CHD7: variants seen among roughly 807,000 people sequenced by gnomAD.
CHD7 encodes ATP-dependent chromatin remodeler CHD7.
Under a neutral mutation model 307.3 loss-of-function variants are expected in CHD7, and 24 were observed. That is an observed-to-expected ratio of 0.08 (90% CI 0.06 to 0.11). CHD7 has a LOEUF of 0.11. Ranked by LOEUF, CHD7 falls within the 10% of genes least tolerant of loss-of-function variation. The pLI is 1.00. For missense variants in CHD7, 3,106 were observed against 3,727.1 expected (o/e 0.83, Z 4.34); for synonymous variants, 1,363 against 1,349.9 (o/e 1.01, Z -0.21).
chr8:60,739,959 A>G (rs1332447061), intron 1 of CHD7, among the ~76,000 whole-genome samples: 1 of 152,236 alleles, frequency 6.6e-6, no homozygotes, highest in Non-Finnish European at 1.5e-5. Flanking sequence ...CTTATAAAAG[A>G]GAAAAAAATG....
chr8:60,686,251 A>T (rs1003838088), intron 1 of CHD7, among the ~76,000 whole-genome samples: 1 of 152,186 alleles, frequency 6.6e-6, no homozygotes, highest in Non-Finnish European at 1.5e-5. Flanking sequence ...AATGGCAGGA[A>T]AACTTGGTGC....
chr8:60,857,084 G>A (rs1805752290), intron 34 of CHD7, among the ~76,000 whole-genome samples, 196 bp downstream of exon 34: 1 of 152,232 alleles, frequency 6.6e-6, no homozygotes, highest in South Asian at 2.1e-4. Flanking sequence ...ACGAAGTGTA[G>A]CTTGAGGATG....
At chr8:60,761,795 AGATT>A (rs1362470234) in intron 2 of CHD7, among the ~76,000 whole-genome samples, 1 of 152,130 alleles carries the variant, frequency 6.6e-6, no homozygotes, top group Non-Finnish European at 1.5e-5. Context: ...GTTAATAAAT[AGATT>A]AATTAATTAA....
chr8:60,865,823 C>G lies in CHD7; in HGVS notation c.8884C>G (p.Leu2962Val). 1.2e-6 allele frequency: 2 copies of G among 1,613,882 alleles called. No individual in the cohort carries two copies. Among genetic ancestry groups the G allele is most frequent in the Non-Finnish European group, 1.7e-6 (2 of 1,179,834 alleles). The change falls in exon 38 of 38, where the codon CTG becomes GTG. Residue 2962 changes from leucine to valine, a missense_variant. By Grantham distance (32) the Leu-to-Val change is conservative. Around this residue, in one of 10 missense-constraint regions of CHD7, gnomAD observed 351 missense variants for 366.2 expected, o/e 0.96. Transcript: ENST00000423902. This position sits in a 1 kb window ranked among gnomAD's most constrained non-coding sequence, Gnocchi z 4.3. ...TGAAGGCAGCGATGCCGAGGAGAGC[C>G]TGGATAAGACTGCAGAGTCCTCCCT... ...TLEGSDAEESLDKTAESSLLE... is the reference protein window; with the variant it reads ...TLEGSDAEESVDKTAESSLLE...
At chr8:60,782,378 C>T (rs1040178771) in intron 3 of CHD7, among the ~76,000 whole-genome samples, 1 of 152,288 alleles carries the variant, frequency 6.6e-6, no homozygotes, top group East Asian at 1.9e-4. Flanking sequence ...TGTGTGCATG[C>T]CCAAGTACAC....
intron 19 of CHD7, among the ~76,000 whole-genome samples, chr8:60,840,926 A>G (rs1349754649): frequency 6.6e-6 from 1 of 152,114 alleles, no homozygotes; most frequent in Non-Finnish European, 1.5e-5. Flanking sequence ...CCTAAAGAAT[A>G]TGTTTCTAAA....
intron 1 of CHD7, among the ~76,000 whole-genome samples, chr8:60,726,673 G>A (rs902382803): frequency 5.9e-5 from 9 of 152,200 alleles, no homozygotes; most frequent in African/African-American, 2.2e-4. Flanking sequence ...TCTTTGTAGT[G>A]CAGGTTCAGT....
intron 7 of CHD7, 31 bp from the exon 8 acceptor site, chr8:60,816,356 A>G (rs758258436): frequency 1.5e-5 from 17 of 1,142,358 alleles, no homozygotes; most frequent in Admixed American, 6.4e-5. Context: ...TATATTCTAC[A>G]TATTTCAAGG....
At chr8:60,719,629 G>A (rs945165790) in intron 1 of CHD7, among the ~76,000 whole-genome samples, 5 of 152,156 alleles carry the variant, frequency 3.3e-5, no homozygotes, top group East Asian at 3.8e-4. Flanking sequence ...TAATAAAAGT[G>A]TACAAAGCAC....
chr8:60,836,422 A>G (rs1354214437), intron 16 of CHD7, 139 bp downstream of exon 16: 22 of 681,364 alleles, frequency 3.2e-5, no homozygotes, highest in East Asian at 5.4e-5. Flanking sequence ...TTTTAAAACT[A>G]TAGATGTACA....
intron 1 of CHD7, among the ~76,000 whole-genome samples, chr8:60,691,160 A>C (rs964973896): frequency 6.6e-6 from 1 of 152,210 alleles, no homozygotes; most frequent in Admixed American, 6.5e-5. Flanking sequence ...TCCTCACCTC[A>C]GCTGATCCAC....
chr8:60,688,061 T>C (rs1687526783), intron 1 of CHD7, among the ~76,000 whole-genome samples: 1 of 152,202 alleles, frequency 6.6e-6, no homozygotes, highest in Admixed American at 6.5e-5. Context: ...CCTGCTGTAG[T>C]TGTGGGGCCA....
intron 1 of CHD7, among the ~76,000 whole-genome samples, chr8:60,699,350 A>G (rs1310141659): frequency 6.6e-6 from 1 of 152,098 alleles, no homozygotes; most frequent in Admixed American, 6.5e-5. Context: ...CCATAGATTT[A>G]TTTGTCTGAG....
At chr8:60,702,607 T>G (rs1368769160) in intron 1 of CHD7, among the ~76,000 whole-genome samples, 4 of 152,246 alleles carry the variant, frequency 2.6e-5, no homozygotes, top group African/African-American at 9.6e-5. Flanking sequence ...CTTACACCAG[T>G]CTTTTCCCTG....
intron 1 of CHD7, chr8:60,679,786 A>G (rs1275435703): frequency 6.7e-6 from 1 of 148,784 alleles, no homozygotes; most frequent in South Asian, 2.1e-4. Context: ...ACCGCCACCG[A>G]GCGAGGTGGG....
chr8:60,702,891 G>C (rs948825625), intron 1 of CHD7, among the ~76,000 whole-genome samples: 3 of 152,234 alleles, frequency 2.0e-5, no homozygotes, highest in African/African-American at 7.2e-5. Flanking sequence ...TTGCATGTGA[G>C]AGAGAGTGAG....
chr8:60,808,025 C>T (rs563257974), intron 6 of CHD7, among the ~76,000 whole-genome samples, 192 bp from the exon 7 acceptor site: 2 of 152,350 alleles, frequency 1.3e-5, no homozygotes, highest in East Asian at 1.9e-4. Context: ...AGCAGAGGTG[C>T]GTGCATGGGC....
intron 3 of CHD7, among the ~76,000 whole-genome samples, chr8:60,792,829 A>G (rs1213480070): frequency 6.6e-6 from 1 of 152,154 alleles, no homozygotes; most frequent in East Asian, 1.9e-4. Flanking sequence ...CTGCCAACTC[A>G]CTTTACCTGG....
chr8:60,775,834 C>T (rs1286756462), intron 2 of CHD7, among the ~76,000 whole-genome samples: 10 of 152,234 alleles, frequency 6.6e-5, no homozygotes, highest in East Asian at 1.9e-4. Context: ...CTCGGCTCAC[C>T]GCAACCTCCA....
Sources: gnomAD v4.1 joint callset for allele counts (sites outside exome capture counted in the v4.1 genomes callset) on GRCh38, gnomAD v4.1.1 for gene constraint, gnomAD v4.1.1 regional missense constraint, Gnocchi (gnomAD v3.1) non-coding constraint, MANE v1.5 for transcripts, NCBI Gene and HGNC (gene_info 2026-07-23, HGNC 2026-07-21) for gene names.